The following PCDHGA1 variants were observed in gnomAD, a reference collection of about 807,000 sequenced individuals.
The protein encoded by PCDHGA1 is protocadherin gamma-A1.
PCDHGA1 carries 32 observed loss-of-function variants against 58.0 expected under a neutral mutation model. The ratio of observed to expected loss-of-function variants is 0.55; its 90% CI spans 0.42 to 0.74. The LOEUF (loss-of-function observed/expected upper bound fraction) is 0.74. Ranked by LOEUF, PCDHGA1 falls within the 30% of genes least tolerant of loss-of-function variation. The pLI, the probability that PCDHGA1 is intolerant of heterozygous loss-of-function variation, is 0.00. For synonymous variants in PCDHGA1, 498 were observed against 501.1 expected (o/e 0.99, Z 0.08); for missense variants, 1,205 against 1,182.3 (o/e 1.02, Z -0.28).
At chr5:141,500,473 T>C (rs911171031) in intron 2 of PCDHGA1, among the ~76,000 whole-genome samples, 10 of 152,132 alleles carry the variant, frequency 6.6e-5, no homozygotes, top group Admixed American at 4.6e-4. Flanking sequence ...CCTCCCAAAG[T>C]GCTGGGATTA....
chr5:141,366,069 G>C, intron 1 of PCDHGA1: 2 of 1,614,216 alleles, frequency 1.2e-6, no homozygotes, highest in Non-Finnish European at 1.7e-6. Flanking sequence ...CTGGCGCCTC[G>C]CTCCGCAGAA....
In PCDHGA1 at chr5:141,392,907, C is replaced by T. The variant is rs746317747; in HGVS notation, c.2421+59802C>T. The T allele has an allele frequency of 5.6e-6, 9 of 1,613,824 alleles. No homozygotes were observed. In the East Asian group the frequency reaches 1.8e-4, roughly 32 times the overall value. On this transcript the variant is annotated intron_variant, in intron 1 of 3. Coordinates refer to ENST00000517417, the MANE Select transcript of PCDHGA1 (RefSeq NM_018912.3). Reference sequence around the variant, plus strand: ...GTGGGAAATCGGGAGGGGACAGATTCGCTACTCTGTGCCAGAAGAGACGGA... The same window carrying T: ...GTGGGAAATCGGGAGGGGACAGATTTGCTACTCTGTGCCAGAAGAGACGGA...
chr5:141,418,527 G>A, intron 1 of PCDHGA1: 2 of 1,614,018 alleles, frequency 1.2e-6, no homozygotes, highest in South Asian at 1.1e-5. Flanking sequence ...CCTCCCCGAA[G>A]CGGTACTGCT....
Position 141,489,902 on chromosome 5 carries a change from C to A in PCDHGA1, c.2422-4905C>A. ...ACTGCTGTGGATGGGGGGACCCCAGCCCGCTCAGGGACCACCCTTATCTCT... is the reference window on the plus strand; with the variant it reads ...ACTGCTGTGGATGGGGGGACCCCAGACCGCTCAGGGACCACCCTTATCTCT... On this transcript the variant is annotated intron_variant, in intron 1 of 3. Transcript: ENST00000517417. The surrounding 1 kb of genome is among the most constrained non-coding windows in gnomAD (Gnocchi z 4.5). 1 of 1,614,218 alleles carries A rather than the reference C, an allele frequency of 6.2e-7. No individual in the cohort carries two copies. The highest frequency in any genetic ancestry group is 8.5e-7 in the Non-Finnish European group (1 of 1,180,032).
At chr5:141,499,019 AGGAAGGAAGAAAAG>A (rs2099788655) in intron 2 of PCDHGA1, among the ~76,000 whole-genome samples, 1 of 150,840 alleles carries the variant, frequency 6.6e-6, no homozygotes, top group Non-Finnish European at 1.5e-5. Flanking sequence ...GAAGGAAGGA[AGGAAGGAAGAAAAG>A]AAAGAAAAAG....
intron 1 of PCDHGA1, chr5:141,395,406 G>C (rs923158895): frequency 1.2e-6 from 1 of 833,442 alleles, no homozygotes; most frequent in Non-Finnish European, 1.8e-6. Flanking sequence ...AATAGTCATA[G>C]GTTATTGTTT....
intron 1 of PCDHGA1, chr5:141,393,880 T>A (rs1561645063): frequency 6.2e-7 from 1 of 1,614,004 alleles, no homozygotes; most frequent in Non-Finnish European, 8.5e-7. Context: ...TTTAGCCCAG[T>A]GTTAGAAAAT....
chr5:141,352,858 C>A (rs889457507), intron 1 of PCDHGA1, among the ~76,000 whole-genome samples: 4 of 152,006 alleles, frequency 2.6e-5, no homozygotes, highest in African/African-American at 7.2e-5. Context: ...TGTGGTGGCA[C>A]GCGCCTGTAG....
chr5:141,352,385 C>G, intron 1 of PCDHGA1: 1 of 1,614,052 alleles, frequency 6.2e-7, no homozygotes, highest in Non-Finnish European at 8.5e-7. Flanking sequence ...AGCGATCGCC[C>G]TGCGCCTGCG....
chr5:141,375,404 AAT>A, intron 1 of PCDHGA1: 2 of 1,613,912 alleles, frequency 1.2e-6, no homozygotes, highest in Non-Finnish European at 1.7e-6. Context: ...CATCTCTCTA[AAT>A]GTGGCAGACA....
chr5:141,413,984 C>T (rs898207454), intron 1 of PCDHGA1: 2 of 1,613,300 alleles, frequency 1.2e-6, no homozygotes, highest in African/African-American at 2.7e-5. Flanking sequence ...ACAGTCACAG[C>T]CACCGACAGG....
chr5:141,347,306 A>C (rs1335169312), intron 1 of PCDHGA1, among the ~76,000 whole-genome samples: 1 of 151,638 alleles, frequency 6.6e-6, no homozygotes, highest in Non-Finnish European at 1.5e-5. Context: ...GGCACGAGCC[A>C]CCCTCCCAGC....
chr5:141,400,880 T>C (rs919340566), intron 1 of PCDHGA1, among the ~76,000 whole-genome samples: 1 of 152,276 alleles, frequency 6.6e-6, no homozygotes, highest in Non-Finnish European at 1.5e-5. Flanking sequence ...TTAAATTTAA[T>C]GTATGTAATC....
chr5:141,508,527 GCACC>G (rs2099869479), intron 3 of PCDHGA1, among the ~76,000 whole-genome samples: 1 of 152,104 alleles, frequency 6.6e-6, no homozygotes, highest in Non-Finnish European at 1.5e-5. Flanking sequence ...CAACCTCAGG[GCACC>G]CCCCACGAGG....
At chr5:141,347,112 C>CTCCTTCCT (rs753513852) in intron 1 of PCDHGA1, among the ~76,000 whole-genome samples, 1 of 80,984 alleles carries the variant, frequency 1.2e-5, no homozygotes, top group African/African-American at 6.3e-5. Flanking sequence ...TCTCTCTTTC[C>CTCCTTCCT]TCCTTCCTTC....
intron 1 of PCDHGA1, chr5:141,403,502 A>G: frequency 6.2e-7 from 1 of 1,613,998 alleles, no homozygotes; most frequent in Non-Finnish European, 8.5e-7. Context: ...GAACGTGCAG[A>G]CTGGAGACAA....
At chr5:141,461,422 C>A (rs2099015157) in intron 1 of PCDHGA1, among the ~76,000 whole-genome samples, 1 of 151,930 alleles carries the variant, frequency 6.6e-6, no homozygotes, top group African/African-American at 2.4e-5. Flanking sequence ...TGTTTGTGGG[C>A]CATTTGTATA....
intron 1 of PCDHGA1, among the ~76,000 whole-genome samples, chr5:141,446,473 G>C (rs558209769): frequency 2.0e-4 from 29 of 148,138 alleles, no homozygotes; most frequent in Non-Finnish European, 1.5e-4. Context: ...TAGACATATG[G>C]TCATCATTCT....
chr5:141,465,257 T>C (rs968727090), intron 1 of PCDHGA1, among the ~76,000 whole-genome samples: 19 of 152,310 alleles, frequency 1.2e-4, no homozygotes, highest in Admixed American at 1.2e-3. Flanking sequence ...TTGTAAGCAA[T>C]GATACTAGCC....
Sources: gnomAD v4.1 joint callset for allele counts (sites outside exome capture counted in the v4.1 genomes callset) on GRCh38, gnomAD v4.1.1 for gene constraint, Gnocchi (gnomAD v3.1) non-coding constraint, MANE v1.5 for transcripts, NCBI Gene and HGNC (gene_info 2026-07-23, HGNC 2026-07-21) for gene names.